EIF3H: variants seen among roughly 807,000 people sequenced by gnomAD.
EIF3H encodes the protein eukaryotic translation initiation factor 3 subunit H, also known as eIF-3-gamma.
A neutral mutation model predicts 44.2 loss-of-function variants in EIF3H; 26 were observed. The observed-to-expected ratio is 0.59, with a 90% CI of 0.43 to 0.82. EIF3H has a LOEUF of 0.82. Ranked by LOEUF, EIF3H falls within the 40% of genes least tolerant of loss-of-function variation. The probability of loss-of-function intolerance (pLI) is 0.00; values close to 1 mark genes in which losing one functional copy is unlikely to be tolerated. For synonymous variants in EIF3H, 166 were observed against 151.9 expected (o/e 1.09, Z -0.68); for missense variants, 359 against 432.8 (o/e 0.83, Z 1.51).
chr8:116,679,129 C>T (rs1277182937), intron 2 of EIF3H, among the ~76,000 whole-genome samples: 3 of 69,890 alleles, frequency 4.3e-5, no homozygotes, highest in African/African-American at 9.0e-5. Flanking sequence ...GGGGGGTCAG[C>T]CCCCTGCCCG....
chr8:116,734,201 T>C (rs1814995725), intron 1 of EIF3H: 3 of 447,204 alleles, frequency 6.7e-6, no homozygotes, highest in Non-Finnish European at 1.3e-5. Context: ...ATTAGGAAAA[T>C]TAATGTGATT....
At chr8:116,752,795 G>GGGAAGGAAGGAAGGAA (rs1302875837) in intron 1 of EIF3H, among the ~76,000 whole-genome samples, 9 of 80,406 alleles carry the variant, frequency 1.1e-4, no homozygotes, top group East Asian at 2.2e-3. Flanking sequence ...GAGGGAGGGA[G>GGGAAGGAAGGAAGGAA]GGAAGGAAGG....
At chr8:116,730,342 G>A (rs756380028) in intron 1 of EIF3H, among the ~76,000 whole-genome samples, 1 of 152,142 alleles carries the variant, frequency 6.6e-6, no homozygotes, top group Non-Finnish European at 1.5e-5. Context: ...CCTTTACTGT[G>A]AACTGCACAT....
At chr8:116,697,343 A>T (rs977118052) in intron 2 of EIF3H, 43 of 378,750 alleles carry the variant, frequency 1.1e-4, no homozygotes, top group Middle Eastern at 9.6e-4. Context: ...TGGGATACTG[A>T]AGAACTATTG....
intron 1 of EIF3H, among the ~76,000 whole-genome samples, chr8:116,749,299 C>T (rs1468005637): frequency 6.6e-6 from 1 of 152,156 alleles, no homozygotes; most frequent in Non-Finnish European, 1.5e-5. Context: ...TACAAGCTGT[C>T]ATTAAAAAGC....
chr8:116,649,075 A>C, intron 5 of EIF3H, 149 bp from the exon 6 acceptor site: 1 of 617,792 alleles, frequency 1.6e-6, no homozygotes, highest in East Asian at 3.2e-5. Context: ...AGAGGAAAAA[A>C]TCTGAGTCAA....
intron 2 of EIF3H, 31 bp downstream of exon 2, chr8:116,725,985 G>A (rs1387967447): frequency 2.5e-6 from 4 of 1,604,074 alleles, no homozygotes; most frequent in Non-Finnish European, 3.4e-6. Flanking sequence ...TGTATGCACT[G>A]CAAAGACACA....
At chr8:116,760,218 T>C (rs1461272198), upstream of EIF3H, among the ~76,000 whole-genome samples, 2 of 152,200 alleles carry the variant, frequency 1.3e-5, no homozygotes, top group African/African-American at 4.8e-5. Flanking sequence ...AATCTCAAGC[T>C]CACAGTAGCA....
At chr8:116,748,946 G>T in intron 1 of EIF3H, among the ~76,000 whole-genome samples, 1 of 151,850 alleles carries the variant, frequency 6.6e-6, no homozygotes, top group Admixed American at 6.6e-5. Flanking sequence ...TAGTATTTTC[G>T]ATCCATGGTT....
intron 1 of EIF3H, among the ~76,000 whole-genome samples, chr8:116,732,848 CA>C (rs1209784513): frequency 1.3e-5 from 2 of 152,184 alleles, no homozygotes. Flanking sequence ...CTGCTGACAC[CA>C]GATGTGTGGG....
At chr8:116,703,372 C>T (rs1247565028) in intron 2 of EIF3H, among the ~76,000 whole-genome samples, 3 of 151,334 alleles carry the variant, frequency 2.0e-5, no homozygotes, top group East Asian at 2.0e-4. Context: ...TCCCTTTCCC[C>T]GGGGGAGTTA....
At chr8:116,758,127 A>G (rs924288812), upstream of EIF3H, among the ~76,000 whole-genome samples, 1 of 152,258 alleles carries the variant, frequency 6.6e-6, no homozygotes, top group Non-Finnish European at 1.5e-5. Context: ...AACTCACTTC[A>G]AACATAGTAA....
chr8:116,741,021 T>C (rs1344854269), intron 1 of EIF3H, among the ~76,000 whole-genome samples: 1 of 152,210 alleles, frequency 6.6e-6, no homozygotes, highest in Non-Finnish European at 1.5e-5. Flanking sequence ...ATAACAACTA[T>C]CACAACAAAC....
At chr8:116,694,124 G>C (rs1380207644) in intron 2 of EIF3H, among the ~76,000 whole-genome samples, 1 of 151,552 alleles carries the variant, frequency 6.6e-6, no homozygotes, top group African/African-American at 2.4e-5. Context: ...AAACTGCAAG[G>C]TCAAGAATTA....
At chr8:116,699,942 T>A (rs1814343721) in intron 2 of EIF3H, among the ~76,000 whole-genome samples, 1 of 152,088 alleles carries the variant, frequency 6.6e-6, no homozygotes, top group Non-Finnish European at 1.5e-5. Flanking sequence ...TTCCGAGAGC[T>A]GGGATTACAG....
intron 1 of EIF3H, among the ~76,000 whole-genome samples, chr8:116,750,559 G>A (rs1194845555): frequency 3.3e-5 from 5 of 152,002 alleles, no homozygotes; most frequent in East Asian, 3.9e-4. Context: ...ACAGGCACCC[G>A]CCACCACGCC....
intron 2 of EIF3H, among the ~76,000 whole-genome samples, chr8:116,700,521 C>T (rs1013846950): frequency 1.3e-5 from 2 of 151,986 alleles, no homozygotes; most frequent in African/African-American, 2.4e-5. Context: ...AAAGATGGAA[C>T]GTCTCTGTCC....
At chr8:116,659,022 AATG>A (rs1813541735) in intron 2 of EIF3H, 42 bp from the exon 3 acceptor site, 1 of 1,546,840 alleles carries the variant, frequency 6.5e-7, no homozygotes, top group East Asian at 2.3e-5. Context: ...AAAACTTTTT[AATG>A]ATGTTACCAA....
chr8:116,759,330 C>T (rs1815491285), upstream of EIF3H, among the ~76,000 whole-genome samples: 3 of 152,154 alleles, frequency 2.0e-5, no homozygotes, highest in Admixed American at 1.3e-4. Context: ...TGATTACTGC[C>T]TGGGGACAGG....
Sources: allele counts gnomAD v4.1 joint callset (sites outside exome capture counted in the v4.1 genomes callset), GRCh38; gene constraint gnomAD v4.1.1; transcripts MANE v1.5; gene names NCBI Gene and HGNC (gene_info 2026-07-23, HGNC 2026-07-21).